The following ROBO1 variants were observed in gnomAD, a reference collection of about 807,000 sequenced individuals.
ROBO1 encodes the protein roundabout guidance receptor 1, also known as roundabout homolog 1.
Under a neutral mutation model 195.9 loss-of-function variants are expected in ROBO1, and 149 were observed. The ratio of observed to expected loss-of-function variants is 0.76; its 90% CI spans 0.67 to 0.87. ROBO1 has a LOEUF of 0.87. Among genes scored for constraint, ROBO1 ranks in the 40% least tolerant of loss-of-function variants. The pLI is 0.00. For missense variants in ROBO1, 1,933 were observed against 2,068.3 expected (o/e 0.93, Z 1.27); for synonymous variants, 816 against 733.2 (o/e 1.11, Z -1.82).
chr3:79,515,477 A>C (rs1180157570), intron 2 of ROBO1, among the ~76,000 whole-genome samples: 1 of 152,210 alleles, frequency 6.6e-6, no homozygotes, highest in Non-Finnish European at 1.5e-5. Flanking sequence ...CTCAACCACC[A>C]ACAATGTTTG....
chr3:79,432,244 A>G (rs2038708833), intron 2 of ROBO1, among the ~76,000 whole-genome samples: 1 of 152,116 alleles, frequency 6.6e-6, no homozygotes, highest in African/African-American at 2.4e-5. Context: ...CAGGTATAAT[A>G]GCAAGACAAT....
chr3:78,820,161 T>C (rs1163389717), intron 4 of ROBO1, among the ~76,000 whole-genome samples: 1 of 152,208 alleles, frequency 6.6e-6, no homozygotes, highest in Non-Finnish European at 1.5e-5. Context: ...TGTTTGATTA[T>C]ACGCAAATTT....
At chr3:79,648,293 G>C (rs972794436) in intron 1 of ROBO1, among the ~76,000 whole-genome samples, 3 of 152,058 alleles carry the variant, frequency 2.0e-5, no homozygotes, top group Admixed American at 6.6e-5. Context: ...TCTGTTATTA[G>C]ATCGTGCATA....
intron 1 of ROBO1, among the ~76,000 whole-genome samples, chr3:79,678,891 T>C (rs1382221157): frequency 6.6e-6 from 1 of 152,060 alleles, no homozygotes. Flanking sequence ...TTAACACACC[T>C]CTGTATATTT....
chr3:79,699,614 G>A (rs1022298768), intron 1 of ROBO1, among the ~76,000 whole-genome samples: 2 of 151,552 alleles, frequency 1.3e-5, no homozygotes, highest in African/African-American at 4.8e-5. Flanking sequence ...TTCAGAGAAA[G>A]TCTTGGATAG....
At chr3:78,879,378 A>C (rs2036045460) in intron 4 of ROBO1, among the ~76,000 whole-genome samples, 1 of 152,118 alleles carries the variant, frequency 6.6e-6, no homozygotes, top group Non-Finnish European at 1.5e-5. Context: ...GACTGCACAT[A>C]ATGACATCAT....
rs74360673 is a variant in ROBO1, at chr3:78,916,786, G to A, written c.499+21815C>T. Among the ~76,000 whole-genome samples, 984 of 152,088 alleles carry A rather than the reference G, an allele frequency of 6.5e-3. 9 individuals carry two copies. Among genetic ancestry groups the A allele is most frequent in the African/African-American group, 0.022 (926 of 41,484 alleles). ...GAAATTACTATCTAGCTTAGTTCAC[G>A]TGGGTAAGGGTCTGGATAGACATTA... On this transcript the variant is annotated intron_variant, in intron 4 of 30. Transcript: ENST00000464233.
At chr3:78,822,820 T>C (rs1430708214) in intron 4 of ROBO1, among the ~76,000 whole-genome samples, 3 of 152,242 alleles carry the variant, frequency 2.0e-5, no homozygotes, top group Admixed American at 2.0e-4. Flanking sequence ...ATTTACAAAT[T>C]GAGTAGAATA....
At chr3:79,482,121 C>A (rs7640053) in intron 2 of ROBO1, among the ~76,000 whole-genome samples, 101,492 of 152,018 alleles carry the variant, frequency 0.67, 35,355 homozygotes, top group African/African-American at 0.89. Flanking sequence ...AAGGACACTG[C>A]CAAAAATATT....
Position 78,620,883 on chromosome 3 carries a change from A to ATATGTGTG in ROBO1, c.3876-2843_3876-2842insCACACATA, listed in dbSNP as rs368794312. Among the ~76,000 whole-genome samples, 108 of 144,664 alleles carry ATATGTGTG rather than the reference A, an allele frequency of 7.5e-4. 1 individual carries two copies. Among genetic ancestry groups the ATATGTGTG allele is most frequent in the Admixed American group, 1.4e-3 (20 of 14,382 alleles). The allele number at this position is 144,664 out of a possible 152,430, so 94.9% of individuals were successfully genotyped here. Reference sequence around the variant, plus strand: ...AAGTGTAAATATATTATATATATATATGTGTGTGTGTGTGTGTGTGTGTAT... The same window carrying ATATGTGTG: ...AAGTGTAAATATATTATATATATATATATGTGTGTGTGTGTGTGTGTGTGTGTGTGTAT... On this transcript the variant is annotated intron_variant, in intron 26 of 30. Transcript: ENST00000464233.
At chr3:79,345,844 T>C (rs1050564156) in intron 2 of ROBO1, among the ~76,000 whole-genome samples, 3 of 152,178 alleles carry the variant, frequency 2.0e-5, no homozygotes, top group East Asian at 1.9e-4. Context: ...TATTAAAACA[T>C]GGTGGCTTTT....
At chr3:78,830,036 G>A (rs552596050) in intron 4 of ROBO1, among the ~76,000 whole-genome samples, 1 of 152,160 alleles carries the variant, frequency 6.6e-6, no homozygotes, top group South Asian at 2.1e-4. Context: ...TAAATATAAA[G>A]GTGACACAAA....
chr3:79,484,813 G>C (rs1559932623), intron 2 of ROBO1, among the ~76,000 whole-genome samples: 1 of 123,878 alleles, frequency 8.1e-6, no homozygotes, highest in African/African-American at 3.1e-5. Context: ...GAGTGCAGTG[G>C]CATGATCTCG....
intron 1 of ROBO1, among the ~76,000 whole-genome samples, chr3:79,728,507 GT>G (rs1258136617): frequency 2.8e-4 from 43 of 152,148 alleles, no homozygotes; most frequent in Non-Finnish European, 1.5e-5. Flanking sequence ...AAGTAGAAGT[GT>G]AAAAGGTGAA....
At chr3:78,911,248 A>G (rs138866367) in intron 4 of ROBO1, among the ~76,000 whole-genome samples, 24 of 152,174 alleles carry the variant, frequency 1.6e-4, no homozygotes, top group African/African-American at 5.5e-4. Flanking sequence ...CCAAAATCCA[A>G]TCTATGGCAA....
chr3:79,746,647 T>C (rs780841943), intron 1 of ROBO1, among the ~76,000 whole-genome samples: 42 of 152,070 alleles, frequency 2.8e-4, no homozygotes, highest in Non-Finnish European at 4.6e-4. Context: ...ATGAGAAATA[T>C]ACCACAGAGT....
chr3:79,703,356 T>G (rs906551925), intron 1 of ROBO1, among the ~76,000 whole-genome samples: 10 of 151,720 alleles, frequency 6.6e-5, no homozygotes, highest in Non-Finnish European at 1.5e-4. Flanking sequence ...AAAATACAGC[T>G]TTTAGTCCAA....
chr3:79,359,189 A>C (rs1291058723), intron 2 of ROBO1, among the ~76,000 whole-genome samples: 2 of 151,986 alleles, frequency 1.3e-5, no homozygotes, highest in Non-Finnish European at 2.9e-5. Context: ...TATCTAATGG[A>C]GACTAAATCA....
rs377228557 is a variant in ROBO1 at position 79,641,585 on chromosome 3, C to T, written c.-50-51624G>A. On this transcript the variant is annotated intron_variant, in intron 1 of 30. Transcript: ENST00000464233. Reference sequence around the variant, plus strand: ...TAAATAAAAAAAATAAAATAAGAAACGAAACAGTGACTGATCCTAGTGAGT... The same window carrying T: ...TAAATAAAAAAAATAAAATAAGAAATGAAACAGTGACTGATCCTAGTGAGT... Among the ~76,000 whole-genome samples, 27 of 151,770 alleles carry T rather than the reference C, an allele frequency of 1.8e-4. 1 individual carries two copies. Among genetic ancestry groups the T allele is most frequent in the African/African-American group, 4.8e-4 (20 of 41,464 alleles).
Sources: gnomAD v4.1 joint callset for allele counts (sites outside exome capture counted in the v4.1 genomes callset) on GRCh38, gnomAD v4.1.1 for gene constraint, MANE v1.5 for transcripts, NCBI Gene and HGNC (gene_info 2026-07-23, HGNC 2026-07-21) for gene names.